The following HCN1 variants were observed in gnomAD, a reference collection of about 807,000 sequenced individuals.
HCN1 encodes hyperpolarization activated cyclic nucleotide gated potassium channel 1.
HCN1 carries 13 observed loss-of-function variants against 78.9 expected under a neutral mutation model. The observed-to-expected ratio is 0.16, with a 90% CI of 0.11 to 0.26. HCN1 has a LOEUF of 0.26. HCN1 is among the 10% of genes least tolerant of loss of function. The probability of loss-of-function intolerance (pLI) is 1.00; values close to 1 mark genes in which losing one functional copy is unlikely to be tolerated. For synonymous variants in HCN1, 552 were observed against 455.5 expected, an observed-to-expected ratio of 1.21 and a Z score of -2.70; for missense variants, 810 against 1,154.3, an observed-to-expected ratio of 0.70 and a Z score of 4.32.
chr5:45,314,561 G>A (rs1015122371), intron 5 of HCN1, among the ~76,000 whole-genome samples: 16 of 152,100 alleles, frequency 1.1e-4, no homozygotes, highest in Non-Finnish European at 2.2e-4. Flanking sequence ...AAAAGACACA[G>A]ACTGGCAAAT....
intron 2 of HCN1, among the ~76,000 whole-genome samples, chr5:45,516,537 G>A (rs2111769157): frequency 6.6e-6 from 1 of 151,976 alleles, no homozygotes; most frequent in East Asian, 1.9e-4. Flanking sequence ...ATTAAAATAT[G>A]CCATAATTTG....
At chr5:45,350,040 C>T (rs1158473371) in intron 5 of HCN1, among the ~76,000 whole-genome samples, 1 of 152,110 alleles carries the variant, frequency 6.6e-6, no homozygotes, top group Admixed American at 6.5e-5. Context: ...CAGCATCATC[C>T]TGATACCAAA....
chr5:45,550,336 T>C (rs982138854), intron 2 of HCN1, among the ~76,000 whole-genome samples: 1 of 152,188 alleles, frequency 6.6e-6, no homozygotes, highest in African/African-American at 2.4e-5. Context: ...GATGAGTTCA[T>C]GTCCTTTGTA....
At position 45,579,280 on chromosome 5, in the gene HCN1, T is replaced by C. The variant is rs1425108329; in HGVS notation, c.849+65905A>G. Among the ~76,000 whole-genome samples the C allele has an allele frequency of 9.9e-5, 15 of 152,000 alleles. 1 individual carries two copies. Among genetic ancestry groups the C allele is most frequent in the Non-Finnish European group, 2.9e-5 (2 of 67,984 alleles). ...ACTCTTAATAGCTGACTCAGATCAG[T>C]ATTGTTTCCTTTATACCAAGCTGTA... On this transcript the variant is annotated intron_variant, in intron 2 of 7. Transcript: ENST00000303230.
chr5:45,329,731 T>A (rs1746307746), intron 5 of HCN1, among the ~76,000 whole-genome samples: 1 of 151,326 alleles, frequency 6.6e-6, no homozygotes, highest in Non-Finnish European at 1.5e-5. Context: ...TTAGGGAAAA[T>A]TATTTAAATT....
At chr5:45,615,044 C>T (rs1265444277) in intron 2 of HCN1, among the ~76,000 whole-genome samples, 17 of 151,002 alleles carry the variant, frequency 1.1e-4, no homozygotes, top group Admixed American at 1.1e-3. Flanking sequence ...GTCTCTATAT[C>T]TCAATTGATG....
At chr5:45,355,696 C>T (rs751502287) in intron 4 of HCN1, among the ~76,000 whole-genome samples, 15 of 151,646 alleles carry the variant, frequency 9.9e-5, no homozygotes, top group Admixed American at 2.0e-4. Context: ...TCAAATGAGG[C>T]GAAAAGGCTA....
intron 1 of HCN1, among the ~76,000 whole-genome samples, chr5:45,674,582 T>C (rs540005076): frequency 1.3e-3 from 193 of 151,976 alleles, no homozygotes; most frequent in Non-Finnish European, 2.2e-3. Flanking sequence ...AGAAAATTTG[T>C]GTCCTCTTCT....
intron 2 of HCN1, among the ~76,000 whole-genome samples, chr5:45,532,177 T>A (rs1196474633): frequency 2.0e-5 from 3 of 152,252 alleles, no homozygotes; most frequent in South Asian, 2.1e-4. Context: ...AATGATTTGT[T>A]AAATACAATT....
chr5:45,445,199 G>GC, intron 3 of HCN1, among the ~76,000 whole-genome samples: 1 of 152,320 alleles, frequency 6.6e-6, no homozygotes, highest in African/African-American at 2.4e-5. Flanking sequence ...GCACTTTTCT[G>GC]ACGGGCTTAG....
chr5:45,484,189 T>G (rs1298097622), intron 2 of HCN1, among the ~76,000 whole-genome samples: 1 of 152,046 alleles, frequency 6.6e-6, no homozygotes, highest in Non-Finnish European at 1.5e-5. Flanking sequence ...TCCCATCACT[T>G]TGGGAGGCTG....
chr5:45,376,037 A>C (rs1302801018), intron 4 of HCN1, among the ~76,000 whole-genome samples: 1 of 113,806 alleles, frequency 8.8e-6, no homozygotes, highest in African/African-American at 3.6e-5. Context: ...ATAATATAAT[A>C]TTTTATAATA....
intron 2 of HCN1, among the ~76,000 whole-genome samples, chr5:45,604,153 C>A (rs552229576): frequency 1.5e-3 from 232 of 152,072 alleles, no homozygotes; most frequent in Middle Eastern, 3.4e-3. Flanking sequence ...TAGAAATAAC[C>A]CAGCTGCCAA....
intron 3 of HCN1, among the ~76,000 whole-genome samples, chr5:45,453,488 A>G (rs1740963959): frequency 6.6e-6 from 1 of 152,128 alleles, no homozygotes; most frequent in Non-Finnish European, 1.5e-5. Context: ...ATGACTTTTC[A>G]CGTATTTTTC....
intron 2 of HCN1, among the ~76,000 whole-genome samples, chr5:45,511,868 T>C (rs915422036): frequency 1.3e-5 from 2 of 152,064 alleles, no homozygotes; most frequent in African/African-American, 4.8e-5. Flanking sequence ...CAGAGTAAGA[T>C]GTTAATAAAT....
intron 3 of HCN1, among the ~76,000 whole-genome samples, chr5:45,453,742 A>AT (rs1165830638): frequency 6.6e-6 from 1 of 152,044 alleles, no homozygotes; most frequent in African/African-American, 2.4e-5. Context: ...TGGTAAATGT[A>AT]TTTTTACTCA....
At chr5:45,525,473 GAATATA>G (rs1429903912) in intron 2 of HCN1, among the ~76,000 whole-genome samples, 1 of 151,312 alleles carries the variant, frequency 6.6e-6, no homozygotes, top group African/African-American at 2.4e-5. Context: ...ATGATAAAAT[GAATATA>G]AATATAATTA....
intron 2 of HCN1, among the ~76,000 whole-genome samples, chr5:45,491,622 G>T (rs75150349): frequency 0.096 from 14,604 of 152,118 alleles, 926 homozygotes; most frequent in Middle Eastern, 0.16. Context: ...TCTGCCAGTA[G>T]TTTATGGGTG....
At chr5:45,581,544 T>G (rs961587612) in intron 2 of HCN1, among the ~76,000 whole-genome samples, 3 of 152,214 alleles carry the variant, frequency 2.0e-5, no homozygotes, top group African/African-American at 7.2e-5. Context: ...ATTTGTCAAT[T>G]TTGGCTTTGG....
Sources: gnomAD v4.1 joint callset for allele counts (sites outside exome capture counted in the v4.1 genomes callset) on GRCh38, gnomAD v4.1.1 for gene constraint, MANE v1.5 for transcripts, NCBI Gene and HGNC (gene_info 2026-07-23, HGNC 2026-07-21) for gene names.